AGMO: variants seen among roughly 807,000 people sequenced by gnomAD.
AGMO encodes the protein alkylglycerol monooxygenase.
In AGMO, 75 loss-of-function variants were observed where a neutral mutation model predicts 60.2. The observed-to-expected ratio is 1.25, with a 90% CI of 1.03 to 1.51. The LOEUF (loss-of-function observed/expected upper bound fraction) is 1.51, where lower values mean the gene tolerates loss of function less well. AGMO is among the 40% of genes most tolerant of loss of function. The probability of loss-of-function intolerance (pLI) is 0.00; values close to 1 mark genes in which losing one functional copy is unlikely to be tolerated. For synonymous variants in AGMO, 261 were observed against 177.1 expected (o/e 1.47, Z -3.76); for missense variants, 763 against 525.5 (o/e 1.45, Z -4.42).
chr7:15,357,190 C>CGTGTGTGTGTGTGTGTGTGT (rs36124819), intron 12 of AGMO, among the ~76,000 whole-genome samples: 5 of 144,362 alleles, frequency 3.5e-5, no homozygotes, highest in East Asian at 2.1e-4. Context: ...TATGAATATT[C>CGTGTGTGTGTGTGTGTGTGT]GTGTGTGTGT....
the AGMO span, among the ~76,000 whole-genome samples, chr7:15,175,455 G>A: frequency 6.6e-6 from 1 of 151,780 alleles, no homozygotes; most frequent in Admixed American, 6.6e-5. Flanking sequence ...TAGGGATTAT[G>A]GTGTTTACAG....
intron 3 of AGMO, among the ~76,000 whole-genome samples, chr7:15,499,642 C>G (rs10280114): frequency 0.029 from 4,338 of 151,640 alleles, 207 homozygotes; most frequent in African/African-American, 0.098. Flanking sequence ...TTTCTAAAAT[C>G]CATAATGTCT....
At position 15,267,310 on chromosome 7, in the gene AGMO, A is replaced by G. The variant is rs553616813; in HGVS notation, c.1264-65951T>C. Among the ~76,000 whole-genome samples the G allele has an allele frequency of 1.2e-4, 18 of 152,120 alleles. No homozygotes were observed. The South Asian group carries it at 2.1e-3, about 17-fold the overall frequency. On this transcript the variant is annotated intron_variant, in intron 12 of 12. Transcript: ENST00000342526. ...TATACTGACTACACTGAAATGTTCT[A>G]TACATTAGTCTAATGATAGCTAGTA... is the stretch of plus-strand genomic sequence containing the variant.
the AGMO span, among the ~76,000 whole-genome samples, chr7:15,166,131 A>C: frequency 6.6e-6 from 1 of 152,096 alleles, no homozygotes; most frequent in African/African-American, 2.4e-5. Context: ...AAATAAGCCT[A>C]TTATATCGAT....
intron 5 of AGMO, among the ~76,000 whole-genome samples, chr7:15,417,703 A>G (rs928567405): frequency 3.3e-5 from 5 of 152,194 alleles, no homozygotes; most frequent in Non-Finnish European, 7.3e-5. Context: ...TTCCAAGTAA[A>G]TCAGTAGCAT....
intron 3 of AGMO, among the ~76,000 whole-genome samples, chr7:15,491,831 A>T (rs977036575): frequency 2.0e-5 from 3 of 152,192 alleles, no homozygotes; most frequent in Non-Finnish European, 4.4e-5. Context: ...CAGTATGTAG[A>T]TCTTCACAGA....
chr7:15,222,814 A>C (rs1182661196), intron 12 of AGMO, among the ~76,000 whole-genome samples: 1 of 152,036 alleles, frequency 6.6e-6, no homozygotes, highest in Non-Finnish European at 1.5e-5. Context: ...AAATACCTAG[A>C]AATTTACCCC....
chr7:15,380,379 G>A (rs1783629182), intron 10 of AGMO, among the ~76,000 whole-genome samples: 4 of 151,980 alleles, frequency 2.6e-5, no homozygotes, highest in Admixed American at 2.6e-4. Context: ...GTCAAACTGA[G>A]AGCAAAATTA....
intron 2 of AGMO, among the ~76,000 whole-genome samples, chr7:15,547,375 CG>C (rs560894208): frequency 0.011 from 1,692 of 151,782 alleles, 24 homozygotes; most frequent in African/African-American, 0.039. Flanking sequence ...ACGCAGAAGA[CG>C]GGTGATTTCT....
chr7:15,345,768 CT>C (rs1782011524), intron 12 of AGMO, among the ~76,000 whole-genome samples: 1 of 152,144 alleles, frequency 6.6e-6, no homozygotes, highest in Non-Finnish European at 1.5e-5. Flanking sequence ...TGATAACTTA[CT>C]TATCTATATT....
chr7:15,292,937 A>G (rs1406917238), intron 12 of AGMO, among the ~76,000 whole-genome samples: 1 of 149,350 alleles, frequency 6.7e-6, no homozygotes, highest in African/African-American at 2.5e-5. Flanking sequence ...TTTTTTTTGT[A>G]TTTTTGGTAG....
chr7:15,282,631 G>A (rs988146674), intron 12 of AGMO, among the ~76,000 whole-genome samples: 2 of 152,160 alleles, frequency 1.3e-5, no homozygotes, highest in East Asian at 3.8e-4. Context: ...ATTGGTGAGG[G>A]AGAAGAGAAA....
At chr7:15,432,318 G>A in intron 3 of AGMO, among the ~76,000 whole-genome samples, 1 of 90,460 alleles carries the variant, frequency 1.1e-5, no homozygotes, top group East Asian at 2.6e-4. Context: ...ATATATGTGT[G>A]TGTATATATG....
chr7:15,386,768 C>T (rs994187635), intron 9 of AGMO, among the ~76,000 whole-genome samples: 1 of 152,158 alleles, frequency 6.6e-6, no homozygotes, highest in Non-Finnish European at 1.5e-5. Flanking sequence ...TAAGAAATCA[C>T]AACTTATATT....
chr7:15,177,101 G>T, the AGMO span, among the ~76,000 whole-genome samples: 1 of 128,760 alleles, frequency 7.8e-6, no homozygotes, highest in African/African-American at 2.6e-5. Context: ...AATAAGGGGA[G>T]GAAAAAACAT....
At chr7:15,227,171 T>TA (rs1782109174) in intron 12 of AGMO, among the ~76,000 whole-genome samples, 1 of 152,206 alleles carries the variant, frequency 6.6e-6, no homozygotes, top group East Asian at 1.9e-4. Flanking sequence ...AACTGCAACT[T>TA]AACTTAGTAC....
At chr7:15,271,709 T>C (rs1011002942) in intron 12 of AGMO, among the ~76,000 whole-genome samples, 2 of 152,196 alleles carry the variant, frequency 1.3e-5, no homozygotes, top group Admixed American at 6.6e-5. Flanking sequence ...CTATGTTGAA[T>C]AGAAGTTGTG....
In AGMO at chr7:15,390,672, T is replaced by G; in HGVS notation, c.821A>C (p.Gln274Pro). Reference sequence around the variant, plus strand: ...AAGAATAAAAAACAAGTATGTTACCTGCACTTTGATTGGTTCAAATGTATT... The same window carrying G: ...AAGAATAAAAAACAAGTATGTTACCGGCACTTTGATTGGTTCAAATGTATT... ...PINTFEPIKV[Q>P]FHHLFSIWTT... Residue 274 changes from glutamine to proline, a missense_variant and splice_region_variant, in exon 8 of 13, where the codon CAG (glutamine) becomes CCG (proline). Coordinates refer to ENST00000342526, the MANE Select transcript of AGMO (RefSeq NM_001004320.2). 6.3e-7 allele frequency: 1 copy of G among 1,587,698 alleles called. No individual in the cohort carries two copies. The highest frequency in any genetic ancestry group is 8.6e-7 in the Non-Finnish European group (1 of 1,163,102).
the AGMO span, among the ~76,000 whole-genome samples, chr7:15,117,276 T>C: frequency 2.6e-5 from 4 of 152,052 alleles, no homozygotes; most frequent in East Asian, 3.9e-4. Context: ...TTGGGGATGA[T>C]AGGAGGGTAA....
Sources: allele counts gnomAD v4.1 joint callset (sites outside exome capture counted in the v4.1 genomes callset), GRCh38; gene constraint gnomAD v4.1.1; transcripts MANE v1.5; gene names NCBI Gene and HGNC (gene_info 2026-07-23, HGNC 2026-07-21).